MERTK: variants seen among roughly 807,000 people sequenced by gnomAD.
MERTK encodes tyrosine-protein kinase Mer.
A neutral mutation model predicts 99.3 loss-of-function variants in MERTK; 69 were observed. The ratio of observed to expected loss-of-function variants is 0.70; its 90% CI spans 0.57 to 0.85. The LOEUF (loss-of-function observed/expected upper bound fraction) is 0.85. Among genes scored for constraint, MERTK ranks in the 40% least tolerant of loss-of-function variants. The probability of loss-of-function intolerance (pLI) is 0.00; values close to 1 mark genes in which losing one functional copy is unlikely to be tolerated. For missense variants in MERTK, 1,125 were observed against 1,249.4 expected (o/e 0.90, Z 1.50); for synonymous variants, 426 against 467.6 (o/e 0.91, Z 1.15).
Position 111,994,356 on chromosome 2 carries a change from G to A in MERTK, c.1402G>A (p.Gly468Arg). The A allele has an allele frequency of 6.2e-7, 1 of 1,614,194 alleles. No individual in the cohort carries two copies. Among genetic ancestry groups the A allele is most frequent in the Middle Eastern group, 1.7e-4 (1 of 6,060 alleles). Residue 468 changes from glycine (G) to arginine (R), a missense_variant, in exon 9 of 19, where the codon GGA becomes AGA. Coordinates refer to ENST00000295408, the MANE Select transcript of MERTK (RefSeq NM_006343.3). ...TVRIAAVTRGGVGPFSDPVKI... is the reference protein window; with the variant it reads ...TVRIAAVTRGRVGPFSDPVKI... ...GAGGATTGCAGCCGTCACCAGAGGG[G>A]GAGTTGGGCCCTTCAGTGATCCAGT...
chr2:112,022,242 G>A lies in MERTK; in HGVS notation c.2350-16G>A. 1 of 1,614,220 alleles carries A rather than the reference G, an allele frequency of 6.2e-7. No individual in the cohort carries two copies. The highest frequency in any genetic ancestry group is 1.1e-5 in the South Asian group (1 of 91,084). ...GGAAAGGCTTGCATCCTAACTTGTT[G>A]TTGCTTTGTTCCCAGTGGGCATTTG... On this transcript the variant is annotated splice_polypyrimidine_tract_variant and intron_variant, in intron 17 of 18. Transcript: ENST00000295408.
intron 8 of MERTK, among the ~76,000 whole-genome samples, chr2:111,991,228 CTATT>C (rs888142448): frequency 6.6e-6 from 1 of 152,176 alleles, no homozygotes; most frequent in African/African-American, 2.4e-5. Context: ...ATACAATGCT[CTATT>C]TATGTTTTTT....
In MERTK at chr2:111,903,420, G is replaced by A. The variant is rs1049446164; in HGVS notation, c.61+4624G>A. Among the ~76,000 whole-genome samples, 4 of 152,066 alleles carry A rather than the reference G, an allele frequency of 2.6e-5. No homozygotes were observed. In the East Asian group the frequency reaches 5.8e-4, roughly 22 times the overall value. On this transcript the variant is annotated intron_variant, in intron 1 of 18. Coordinates refer to ENST00000295408, the MANE Select transcript of MERTK (RefSeq NM_006343.3). ...GTCAATTAAAACCAGACAGATTTTT[G>A]GGCTGTATTAACCCCAAACATATTT...
chr2:112,010,372 A>T (rs991593650), intron 15 of MERTK: 5 of 352,042 alleles, frequency 1.4e-5, no homozygotes. Flanking sequence ...TCATGGCCGC[A>T]TACTCCCCAG....
intron 6 of MERTK, 60 bp from the exon 7 acceptor site, chr2:111,975,229 C>G (rs904878447): frequency 1.9e-5 from 29 of 1,545,338 alleles, no homozygotes; most frequent in African/African-American, 2.7e-5. Context: ...ACACAGGCCC[C>G]GTGCCTGACA....
In MERTK at chr2:111,941,560, G is replaced by C. The variant is rs144332301; in HGVS notation, c.483-3400G>C. 8.2e-3 allele frequency among the ~76,000 whole-genome samples: 1,242 copies of C among 152,226 alleles called. 6 individuals carry two copies. Among genetic ancestry groups the C allele is most frequent in the Non-Finnish European group, 0.013 (872 of 68,030 alleles). On this transcript the variant is annotated intron_variant, in intron 2 of 18. Coordinates refer to ENST00000295408, the MANE Select transcript of MERTK (RefSeq NM_006343.3). The stretch of plus-strand genomic sequence containing the variant: ...CTGTTCTGAGCCCGGAGCCTTTCTG[G>C]TTGAGCCTCCACAGAGACTGAGCCT...
Position 111,937,287 on chromosome 2 carries a change from A to AT in MERTK, c.483-7671dup, listed in dbSNP as rs1488998046. 3.6e-5 allele frequency among the ~76,000 whole-genome samples: 5 copies of AT among 138,034 alleles called. No individual in the cohort carries two copies. The South Asian group carries it at 9.9e-4, about 27-fold the overall frequency. The allele number at this position is 138,034 out of a possible 152,430, so 90.6% of individuals were successfully genotyped here. Reference sequence around the variant, plus strand: ...CAATAGGACCCCATTGCTACAAAAAATTAAAAAAAAAAAAATTAGGCAGAC... The same window carrying AT: ...CAATAGGACCCCATTGCTACAAAAAATTTAAAAAAAAAAAAATTAGGCAGAC... On this transcript the variant is annotated intron_variant, in intron 2 of 18. Coordinates refer to ENST00000295408, the MANE Select transcript of MERTK (RefSeq NM_006343.3).
At chr2:111,919,791 T>C (rs969500429) in intron 1 of MERTK, among the ~76,000 whole-genome samples, 3 of 147,706 alleles carry the variant, frequency 2.0e-5, no homozygotes, top group African/African-American at 7.6e-5. Flanking sequence ...GTTTTTTCTT[T>C]TTCTTTTCTT....
chr2:111,901,327 T>C lies in MERTK; in HGVS notation c.61+2531T>C, dbSNP rs200413935. On this transcript the variant is annotated intron_variant, in intron 1 of 18. Coordinates refer to ENST00000295408, the MANE Select transcript of MERTK (RefSeq NM_006343.3). The stretch of plus-strand genomic sequence containing the variant: ...CTTAGAGTAAATTAGGCTTTTAAGA[T>C]TCTTTAATGTTAATATTTCTTTTCC... 8.5e-5 allele frequency among the ~76,000 whole-genome samples: 13 copies of C among 152,314 alleles called. No individual in the cohort carries two copies. In the East Asian group the frequency reaches 2.3e-3, roughly 27 times the overall value.
chr2:111,982,865 G>A lies in MERTK; in HGVS notation c.1168G>A (p.Val390Ile). 6.2e-7 allele frequency: 1 copy of A among 1,614,024 alleles called. No homozygotes were observed. Among genetic ancestry groups the A allele is most frequent in the Non-Finnish European group, 8.5e-7 (1 of 1,179,948 alleles). The change falls in exon 8 of 19, where the codon GTC (valine) becomes ATC (isoleucine). Residue 390 changes from valine to isoleucine, a missense_variant. Val to Ile is a conservative substitution (Grantham distance 29). Coordinates refer to ENST00000295408, the MANE Select transcript of MERTK (RefSeq NM_006343.3). ...AGCCCCATCAGTAGCACCTTTAAATGTCACTGTGTTTCTGAATGAATCTAG... is the reference window on the plus strand; with the variant it reads ...AGCCCCATCAGTAGCACCTTTAAATATCACTGTGTTTCTGAATGAATCTAG... The part of the protein sequence containing the change: ...EGAPSVAPLN[V>I]TVFLNESSDN...
At chr2:111,905,749 G>T (rs139495237) in intron 1 of MERTK, among the ~76,000 whole-genome samples, 1 of 151,988 alleles carries the variant, frequency 6.6e-6, no homozygotes, top group South Asian at 2.1e-4. Flanking sequence ...GATTATAGGC[G>T]TGAGCCACCG....
intron 2 of MERTK, among the ~76,000 whole-genome samples, chr2:111,941,656 A>C (rs1573587821): frequency 1.3e-5 from 2 of 150,344 alleles, no homozygotes; most frequent in East Asian, 2.0e-4. Context: ...CCCACACCCC[A>C]CCCTCCCAGT....
intron 15 of MERTK, among the ~76,000 whole-genome samples, chr2:112,019,061 C>T (rs958169769): frequency 6.6e-6 from 1 of 151,894 alleles, no homozygotes. Flanking sequence ...GCCAGACCAC[C>T]TGTCCCTTTC....
chr2:111,967,531 G>A (rs1027879492), intron 5 of MERTK, among the ~76,000 whole-genome samples: 5 of 151,900 alleles, frequency 3.3e-5, no homozygotes, highest in South Asian at 2.1e-4. Context: ...CCACCCATTC[G>A]AGGACACACA....
intron 4 of MERTK, among the ~76,000 whole-genome samples, chr2:111,960,371 C>T (rs1307620092): frequency 6.6e-6 from 1 of 150,424 alleles, no homozygotes; most frequent in African/African-American, 2.4e-5. Context: ...ATCCCAGCTA[C>T]TTGGGAGACT....
chr2:111,904,078 A>T (rs1213073940), intron 1 of MERTK, among the ~76,000 whole-genome samples: 3 of 151,984 alleles, frequency 2.0e-5, no homozygotes, highest in Admixed American at 6.6e-5. Flanking sequence ...TTTGTTTCCT[A>T]GTAGTTTGAG....
chr2:111,938,029 A>C (rs970153248), intron 2 of MERTK, among the ~76,000 whole-genome samples: 1 of 151,904 alleles, frequency 6.6e-6, no homozygotes, highest in African/African-American at 2.4e-5. Context: ...CCATCTCCAG[A>C]ACTCCAGTAG....
intron 4 of MERTK, among the ~76,000 whole-genome samples, chr2:111,956,579 A>G (rs1362707230): frequency 6.6e-6 from 1 of 152,240 alleles, no homozygotes; most frequent in Non-Finnish European, 1.5e-5. Flanking sequence ...TAGAATTTAT[A>G]CAAATTAGTT....
chr2:111,988,615 G>T (rs976262008), intron 8 of MERTK, among the ~76,000 whole-genome samples: 2 of 152,178 alleles, frequency 1.3e-5, no homozygotes, highest in Non-Finnish European at 2.9e-5. Flanking sequence ...ATGCCAGATC[G>T]TGTACTATGT....
Sources: gnomAD v4.1 joint callset for allele counts (sites outside exome capture counted in the v4.1 genomes callset) on GRCh38, gnomAD v4.1.1 for gene constraint, MANE v1.5 for transcripts, NCBI Gene and HGNC (gene_info 2026-07-23, HGNC 2026-07-21) for gene names.